The following PTPRD variants were observed in gnomAD, a reference collection of about 807,000 sequenced individuals.
The protein encoded by PTPRD is protein tyrosine phosphatase receptor type D, also known as receptor-type tyrosine-protein phosphatase delta.
PTPRD carries 34 observed loss-of-function variants against 214.5 expected under a neutral mutation model. The ratio of observed to expected loss-of-function variants is 0.16; its 90% CI spans 0.12 to 0.21. The LOEUF (loss-of-function observed/expected upper bound fraction) is 0.21, where lower values mean the gene tolerates loss of function less well. Ranked by LOEUF, PTPRD falls within the 10% of genes least tolerant of loss-of-function variation. PTPRD has a pLI of 1.00. For synonymous variants in PTPRD, 1,128 were observed against 845.7 expected, an observed-to-expected ratio of 1.33 and a Z score of -5.79; for missense variants, 2,545 against 2,398.7, an observed-to-expected ratio of 1.06 and a Z score of -1.27.
At chr9:10,194,877 T>C (rs2099391210) in intron 3 of PTPRD, among the ~76,000 whole-genome samples, 2 of 151,978 alleles carry the variant, frequency 1.3e-5, no homozygotes, top group South Asian at 4.1e-4. Context: ...TGAGATGTTA[T>C]ATTAGTTAGA....
At chr9:9,955,463 C>T (rs117474082) in intron 4 of PTPRD, among the ~76,000 whole-genome samples, 2,939 of 151,874 alleles carry the variant, frequency 0.019, 66 homozygotes, top group Admixed American at 0.075. Flanking sequence ...CCCAACTTTA[C>T]ATTGGCCACA....
chr9:8,742,265 C>T (rs1233438555), intron 11 of PTPRD, among the ~76,000 whole-genome samples: 2 of 152,002 alleles, frequency 1.3e-5, no homozygotes, highest in African/African-American at 2.4e-5. Flanking sequence ...ATATATTATG[C>T]ACAACATGAT....
At chr9:8,779,814 GTTTTT>G (rs369478924) in intron 11 of PTPRD, among the ~76,000 whole-genome samples, 2 of 128,456 alleles carry the variant, frequency 1.6e-5, no homozygotes, top group Non-Finnish European at 3.4e-5. Flanking sequence ...TGTTTTGTTG[GTTTTT>G]TTTTTTTTTT....
rs118066320 is a variant in PTPRD at position 10,366,296 on chromosome 9, T to A, written c.-599-25279A>T. ...ATAGCAAACATTATTTTCTGTACAT[T>A]CACATAAACTGCTATGTATACAGAA... is the stretch of plus-strand genomic sequence containing the variant. On this transcript the variant is annotated intron_variant, in intron 2 of 45. Coordinates refer to ENST00000381196, the MANE Select transcript of PTPRD (RefSeq NM_002839.4). Among the ~76,000 whole-genome samples, 1,471 of 152,314 alleles carry A rather than the reference T, an allele frequency of 9.7e-3. 10 individuals carry two copies. The highest frequency in any genetic ancestry group is 0.034 in the Middle Eastern group (10 of 294).
At chr9:10,382,039 T>C (rs1421700703) in intron 2 of PTPRD, among the ~76,000 whole-genome samples, 1 of 151,952 alleles carries the variant, frequency 6.6e-6, no homozygotes, top group African/African-American at 2.4e-5. Flanking sequence ...ATCTTACTTC[T>C]TATTCTTCAA....
At chr9:9,473,477 G>T (rs1054610781) in intron 8 of PTPRD, among the ~76,000 whole-genome samples, 1 of 152,024 alleles carries the variant, frequency 6.6e-6, no homozygotes, top group Non-Finnish European at 1.5e-5. Context: ...TCTTTCTTTG[G>T]AAAAATACCC....
chr9:8,687,462 T>C (rs2097704695), intron 12 of PTPRD, among the ~76,000 whole-genome samples: 1 of 152,206 alleles, frequency 6.6e-6, no homozygotes, highest in African/African-American at 2.4e-5. Flanking sequence ...TCCAGGTATG[T>C]GATGTGAACC....
chr9:9,857,989 C>A (rs1005976182), intron 5 of PTPRD, among the ~76,000 whole-genome samples: 2 of 152,116 alleles, frequency 1.3e-5, no homozygotes, highest in African/African-American at 4.8e-5. Flanking sequence ...ATGAAGAATG[C>A]ATTATCATGC....
intron 5 of PTPRD, among the ~76,000 whole-genome samples, chr9:9,811,608 G>A (rs1249905588): frequency 6.6e-6 from 1 of 152,164 alleles, no homozygotes; most frequent in Non-Finnish European, 1.5e-5. Flanking sequence ...TCAGAAGGCT[G>A]AGGCAGAAGA....
At chr9:10,379,912 A>G (rs557275227) in intron 2 of PTPRD, among the ~76,000 whole-genome samples, 1 of 152,108 alleles carries the variant, frequency 6.6e-6, no homozygotes, top group East Asian at 1.9e-4. Flanking sequence ...TATACTCAAA[A>G]TCTTGGTAGA....
chr9:9,733,655 G>C (rs889236352), intron 7 of PTPRD, among the ~76,000 whole-genome samples: 1 of 152,126 alleles, frequency 6.6e-6, no homozygotes, highest in Admixed American at 6.6e-5. Context: ...TGGAGTACAA[G>C]ATTGTATTTC....
At chr9:9,199,612 T>A (rs139410588) in intron 9 of PTPRD, among the ~76,000 whole-genome samples, 15 of 152,222 alleles carry the variant, frequency 9.9e-5, no homozygotes, top group African/African-American at 3.6e-4. Flanking sequence ...TAGCCACAGA[T>A]CACCATATTT....
rs546389005 is a variant in PTPRD, at chr9:10,291,377, A to G, written c.-545+49586T>C. ...GACATCCTAATCCTTGAATGTTTGAATGTTGCCTTATAGGGCAAAAGAAAC... is the reference window on the plus strand; with the variant it reads ...GACATCCTAATCCTTGAATGTTTGAGTGTTGCCTTATAGGGCAAAAGAAAC... On this transcript the variant is annotated intron_variant, in intron 3 of 45. Coordinates refer to ENST00000381196, the MANE Select transcript of PTPRD (RefSeq NM_002839.4). Among the ~76,000 whole-genome samples the G allele has an allele frequency of 3.9e-5, 6 of 152,276 alleles. No individual in the cohort carries two copies. In the South Asian group the frequency reaches 8.3e-4, roughly 21 times the overall value.
chr9:9,084,223 T>C (rs1228755696), intron 10 of PTPRD, among the ~76,000 whole-genome samples: 1 of 152,054 alleles, frequency 6.6e-6, no homozygotes, highest in Admixed American at 6.6e-5. Context: ...TATGCAGCCA[T>C]GAAAAAGGAT....
intron 10 of PTPRD, among the ~76,000 whole-genome samples, chr9:9,092,531 T>A (rs113245321): frequency 1.3e-5 from 2 of 152,056 alleles, no homozygotes; most frequent in African/African-American, 4.8e-5. Flanking sequence ...ACAAATTAAG[T>A]GTAATAGTTA....
At chr9:9,742,781 A>C (rs568098869) in intron 6 of PTPRD, among the ~76,000 whole-genome samples, 15 of 152,180 alleles carry the variant, frequency 9.9e-5, no homozygotes, top group East Asian at 5.8e-4. Context: ...TCCTTCCTCT[A>C]CTAGCTTCTT....
intron 10 of PTPRD, among the ~76,000 whole-genome samples, chr9:9,088,688 C>T (rs1042271362): frequency 1.3e-5 from 2 of 150,946 alleles, no homozygotes; most frequent in African/African-American, 4.9e-5. Flanking sequence ...CATATTAGCC[C>T]TGGATATTCA....
At chr9:9,536,826 G>C (rs933081816) in intron 8 of PTPRD, among the ~76,000 whole-genome samples, 2 of 152,034 alleles carry the variant, frequency 1.3e-5, no homozygotes, top group Non-Finnish European at 2.9e-5. Flanking sequence ...GCTGTATTCA[G>C]CCCAGCACTC....
intron 10 of PTPRD, among the ~76,000 whole-genome samples, chr9:9,019,025 A>G (rs2099548446): frequency 6.6e-6 from 1 of 152,146 alleles, no homozygotes; most frequent in Non-Finnish European, 1.5e-5. Context: ...AATTATATGT[A>G]GTAGAAAAGA....
Sources: allele counts gnomAD v4.1 joint callset (sites outside exome capture counted in the v4.1 genomes callset), GRCh38; gene constraint gnomAD v4.1.1; transcripts MANE v1.5; gene names NCBI Gene and HGNC (gene_info 2026-07-23, HGNC 2026-07-21).